Variants in CMC2 observed in about 807,000 individuals in gnomAD.
CMC2 encodes COX assembly mitochondrial protein 2 homolog.
In CMC2, 5 loss-of-function variants were observed where a neutral mutation model predicts 7.5. The ratio of observed to expected loss-of-function variants is 0.66; its 90% CI spans 0.35 to 1.40. CMC2 has a LOEUF of 1.40. Among genes scored for constraint, CMC2 ranks in the 40% most tolerant of loss-of-function variants. The probability of loss-of-function intolerance (pLI) is 0.04; values close to 1 mark genes in which losing one functional copy is unlikely to be tolerated. For synonymous variants in CMC2, 37 were observed against 31.4 expected (o/e 1.18, Z -0.60); for missense variants, 115 against 92.3 (o/e 1.25, Z -1.01).
chr16:81,001,597 T>G (rs1567534742), intron 1 of CMC2, among the ~76,000 whole-genome samples: 1 of 152,150 alleles, frequency 6.6e-6, no homozygotes, highest in South Asian at 2.1e-4. Flanking sequence ...ACTGTGCATT[T>G]AAATGGTTAA....
intron 1 of CMC2, chr16:80,997,640 C>T (rs538985339): frequency 3.7e-4 from 120 of 321,258 alleles, no homozygotes; most frequent in African/African-American, 2.3e-3. Context: ...ATTTAGAGAA[C>T]CTACAGGTTC....
rs1555512300 is a variant in CMC2, at chr16:80,971,564, T to TATATATATATATATA, written c.*4528_*4529insTATATATATATATAT. 1.1e-3 allele frequency: 132 copies of TATATATATATATATA among 121,232 alleles called. 3 individuals carry two copies. The highest frequency in any genetic ancestry group is 5.1e-3 in the African/African-American group (130 of 25,742). The allele number at this position is 121,232 out of a possible 1,614,324, so 7.5% of individuals were successfully genotyped here. On this transcript the variant is annotated 3_prime_UTR_variant, in exon 4 of 4. Transcript: ENST00000219400. Reference sequence around the variant, plus strand: ...CTATGGATACTGACATACATACATTTTATATATATATATATATATATGTAT... The same window carrying TATATATATATATATA: ...CTATGGATACTGACATACATACATTTATATATATATATATATATATATATATATATATATATGTAT...
rs1178036498 is a variant in CMC2, at chr16:80,967,273, T to C, written c.*8820A>G. The C allele has an allele frequency of 6.6e-6, 1 of 152,268 alleles. No individual in the cohort carries two copies. The highest frequency in any genetic ancestry group is 2.4e-5 in the African/African-American group (1 of 41,474). 9.4% of individuals were successfully genotyped at this position (152,268 alleles called of 1,614,324 possible). A position where few individuals can be genotyped will look rare whatever the true frequency, so the allele number is the denominator to read the frequency against. ...TAGCAGATAAAGCCATCACAGCAAC[T>C]TGAACTATCCCTAGAGAATTTTCCT... On this transcript the variant is annotated 3_prime_UTR_variant, in exon 4 of 4. Transcript: ENST00000219400.
intron 2 of CMC2, among the ~76,000 whole-genome samples, chr16:80,990,011 A>C (rs1344987728): frequency 2.6e-5 from 4 of 152,214 alleles, no homozygotes; most frequent in African/African-American, 9.7e-5. Flanking sequence ...TAGTGTAATT[A>C]GATGACTCAT....
At chr16:80,994,601 A>G (rs1305244590) in intron 2 of CMC2, among the ~76,000 whole-genome samples, 1 of 152,230 alleles carries the variant, frequency 6.6e-6, no homozygotes, top group Non-Finnish European at 1.5e-5. Flanking sequence ...AGCATGTCAA[A>G]ATCATTAGTC....
chr16:81,001,824 C>T (rs2911151), intron 1 of CMC2, among the ~76,000 whole-genome samples: 95,317 of 149,178 alleles, frequency 0.64, 31,473 homozygotes, highest in South Asian at 0.8. Context: ...GGTCCCTGTA[C>T]TATTCAGTAA....
At position 80,969,262 on chromosome 16, in the gene CMC2, G is replaced by A. The variant is rs1393725828; in HGVS notation, c.*6831C>T. On this transcript the variant is annotated 3_prime_UTR_variant, in exon 4 of 4. Coordinates refer to ENST00000219400, the MANE Select transcript of CMC2 (RefSeq NM_020188.5). ...GTGAGGTGAGGACAGAGCATCAAGAGCCAGAGGAGTCCTGGGAGGTCTCAG... is the reference window on the plus strand; with the variant it reads ...GTGAGGTGAGGACAGAGCATCAAGAACCAGAGGAGTCCTGGGAGGTCTCAG... The A allele has an allele frequency of 6.6e-6, 1 of 152,268 alleles. No homozygotes were observed. Among genetic ancestry groups the A allele is most frequent in the African/African-American group, 2.4e-5 (1 of 41,446 alleles). The allele number at this position is 152,268 out of a possible 1,614,324, so 9.4% of individuals were successfully genotyped here.
At chr16:80,992,705 C>CATT (rs1968097355) in intron 2 of CMC2, among the ~76,000 whole-genome samples, 1 of 92,518 alleles carries the variant, frequency 1.1e-5, no homozygotes. Flanking sequence ...ATTCCCCCTC[C>CATT]TTTTTTTTTT....
chr16:81,006,661 C>A (rs958666195), intron 1 of CMC2, 73 bp downstream of exon 1: 117 of 969,460 alleles, frequency 1.2e-4, no homozygotes, highest in Admixed American at 1.8e-4. Flanking sequence ...AGGGGCTCGG[C>A]GGGACGCGCC....
chr16:81,000,333 T>A (rs954371247), intron 1 of CMC2, among the ~76,000 whole-genome samples: 2 of 151,932 alleles, frequency 1.3e-5, no homozygotes, highest in Non-Finnish European at 2.9e-5. Flanking sequence ...CCATCTCTAC[T>A]AAAGATGCAA....
chr16:80,998,409 C>G (rs984452589), intron 1 of CMC2: 1 of 151,888 alleles, frequency 6.6e-6, no homozygotes, highest in Non-Finnish European at 1.5e-5. Context: ...GAAACTGAAA[C>G]TCCTGCGCAC....
intron 2 of CMC2, chr16:80,983,445 C>T (rs1421520223): frequency 6.6e-6 from 1 of 152,200 alleles, no homozygotes; most frequent in Non-Finnish European, 1.5e-5. Context: ...ACCAAAACCT[C>T]ACAAAGACAG....
At position 80,970,795 on chromosome 16, in the gene CMC2, T is replaced by C. The variant is rs922773994; in HGVS notation, c.*5298A>G. The C allele has an allele frequency of 1.3e-5, 2 of 152,176 alleles. No homozygotes were observed. The highest frequency in any genetic ancestry group is 4.8e-5 in the African/African-American group (2 of 41,454). 9.4% of individuals were successfully genotyped at this position (152,176 alleles called of 1,614,324 possible). A position where few individuals can be genotyped will look rare whatever the true frequency, so the allele number is the denominator to read the frequency against. On this transcript the variant is annotated 3_prime_UTR_variant, in exon 4 of 4. Coordinates refer to ENST00000219400, the MANE Select transcript of CMC2 (RefSeq NM_020188.5). ...ATCAGTAATAGGAAATTAGAATAAATTGGATGCAGGGGCTCATGCCTATAA... is the reference window on the plus strand; with the variant it reads ...ATCAGTAATAGGAAATTAGAATAAACTGGATGCAGGGGCTCATGCCTATAA...
At chr16:81,005,672 C>G (rs1033662465) in intron 1 of CMC2, among the ~76,000 whole-genome samples, 1 of 152,074 alleles carries the variant, frequency 6.6e-6, no homozygotes, top group African/African-American at 2.4e-5. Flanking sequence ...CTGGGAGGGA[C>G]CCGGGGGTGC....
In CMC2 at chr16:80,971,861, C is replaced by T. The variant is rs1241828194; in HGVS notation, c.*4232G>A. On this transcript the variant is annotated 3_prime_UTR_variant, in exon 4 of 4. Coordinates refer to ENST00000219400, the MANE Select transcript of CMC2 (RefSeq NM_020188.5). Reference sequence around the variant, plus strand: ...TCATAAAAAAGAATAGCATTAATACCACAAAAAAGGTCCTTTACAGGATTT... The same window carrying T: ...TCATAAAAAAGAATAGCATTAATACTACAAAAAAGGTCCTTTACAGGATTT... 6.6e-6 allele frequency: 1 copy of T among 151,904 alleles called. No individual in the cohort carries two copies. The highest frequency in any genetic ancestry group is 6.6e-5 in the Admixed American group (1 of 15,256). The allele number at this position is 151,904 out of a possible 1,614,324, so 9.4% of individuals were successfully genotyped here.
chr16:81,004,675 G>A (rs1428882019), intron 1 of CMC2, among the ~76,000 whole-genome samples: 4 of 152,230 alleles, frequency 2.6e-5, no homozygotes, highest in African/African-American at 9.6e-5. Flanking sequence ...TTCCTGGGGA[G>A]TAAGCTGGGA....
At chr16:80,999,361 G>T (rs1417503621) in intron 1 of CMC2, among the ~76,000 whole-genome samples, 1 of 152,110 alleles carries the variant, frequency 6.6e-6, no homozygotes, top group Non-Finnish European at 1.5e-5. Context: ...CAACCAAGGA[G>T]GTAAAAGATC....
At chr16:80,979,769 C>T (rs1166401301) in intron 3 of CMC2, among the ~76,000 whole-genome samples, 1 of 145,368 alleles carries the variant, frequency 6.9e-6, no homozygotes, top group Non-Finnish European at 1.5e-5. Context: ...TACAGGCGCC[C>T]GCCACCATGC....
intron 2 of CMC2, chr16:80,983,712 TG>T (rs1381657061): frequency 2.6e-5 from 4 of 152,222 alleles, no homozygotes; most frequent in Admixed American, 6.5e-5. Flanking sequence ...ATGCGCGCAG[TG>T]GCTCACGCCT....
Sources: allele counts gnomAD v4.1 joint callset (sites outside exome capture counted in the v4.1 genomes callset), GRCh38; gene constraint gnomAD v4.1.1; transcripts MANE v1.5; gene names NCBI Gene and HGNC (gene_info 2026-07-23, HGNC 2026-07-21).